The following SPMIP2 variants were observed in gnomAD, a reference collection of about 807,000 sequenced individuals.
SPMIP2 encodes sperm microtubule inner protein 2, also known as protein SPMIP2.
At chr4:158,935,096 T>C in the SPMIP2 span, among the ~76,000 whole-genome samples, 2 of 152,218 alleles carry the variant, frequency 1.3e-5, no homozygotes, top group Admixed American at 1.3e-4. Context: ...TTTTTCCCTA[T>C]ACTGCAATTC....
the SPMIP2 span, among the ~76,000 whole-genome samples, chr4:158,963,926 C>T: frequency 5.4e-4 from 82 of 152,072 alleles, 1 homozygote; most frequent in Non-Finnish European, 7.9e-4. Flanking sequence ...CTCTGGGAGG[C>T]GGGCAGATCA....
At chr4:158,991,988 C>G in the SPMIP2 span, among the ~76,000 whole-genome samples, 531 of 152,274 alleles carry the variant, frequency 3.5e-3, 4 homozygotes, top group African/African-American at 0.012. Flanking sequence ...ACCACCTGGG[C>G]TCCAGGGATC....
chr4:159,078,727 A>G, the SPMIP2 span, among the ~76,000 whole-genome samples: 1 of 152,148 alleles, frequency 6.6e-6, no homozygotes, highest in Non-Finnish European at 1.5e-5. Context: ...CAAATTTCTC[A>G]CTTGACATTG....
the SPMIP2 span, among the ~76,000 whole-genome samples, chr4:158,983,226 G>T: frequency 1.3e-5 from 2 of 152,196 alleles, no homozygotes; most frequent in South Asian, 4.2e-4. Flanking sequence ...AACCAAGTTG[G>T]AAAACACTCT....
At chr4:159,079,682 A>G in the SPMIP2 span, among the ~76,000 whole-genome samples, 1 of 152,166 alleles carries the variant, frequency 6.6e-6, no homozygotes, top group Non-Finnish European at 1.5e-5. Context: ...CCTGAATTTC[A>G]TTTGGTTTCT....
At chr4:158,948,566 A>G in the SPMIP2 span, among the ~76,000 whole-genome samples, 1 of 148,134 alleles carries the variant, frequency 6.8e-6, no homozygotes, top group Non-Finnish European at 1.5e-5. Flanking sequence ...GATATTGTGA[A>G]GTTTCACATG....
the SPMIP2 span, among the ~76,000 whole-genome samples, chr4:158,919,577 C>T: frequency 6.6e-6 from 1 of 152,184 alleles, no homozygotes; most frequent in Non-Finnish European, 1.5e-5. Flanking sequence ...GCTTAAAATG[C>T]TACCTACCAG....
the SPMIP2 span, among the ~76,000 whole-genome samples, chr4:159,017,832 T>C: frequency 1.3e-5 from 2 of 151,976 alleles, no homozygotes; most frequent in African/African-American, 4.8e-5. Flanking sequence ...CAATGTGGGT[T>C]TGAGAATGGT....
the SPMIP2 span, among the ~76,000 whole-genome samples, chr4:159,061,937 G>A: frequency 6.6e-6 from 1 of 152,174 alleles, no homozygotes; most frequent in African/African-American, 2.4e-5. Flanking sequence ...CTGAGTGATA[G>A]CGTGAGCACC....
the SPMIP2 span, among the ~76,000 whole-genome samples, chr4:158,984,903 AAAAG>A: frequency 7.1e-4 from 108 of 152,162 alleles, no homozygotes; most frequent in African/African-American, 2.5e-3. Flanking sequence ...AATAAATAAA[AAAAG>A]AGAGAAGAAT....
At chr4:158,937,204 T>C in the SPMIP2 span, among the ~76,000 whole-genome samples, 3 of 152,238 alleles carry the variant, frequency 2.0e-5, no homozygotes, top group Non-Finnish European at 4.4e-5. Flanking sequence ...GGGAGAACAC[T>C]TATTTGATAC....
chr4:159,061,276 G>A, the SPMIP2 span, among the ~76,000 whole-genome samples: 1 of 151,770 alleles, frequency 6.6e-6, no homozygotes, highest in Admixed American at 6.6e-5. Flanking sequence ...TGTGAGAGCT[G>A]GCCCCAGTCC....
the SPMIP2 span, among the ~76,000 whole-genome samples, chr4:158,982,525 C>G: frequency 6.6e-6 from 1 of 152,194 alleles, no homozygotes; most frequent in Non-Finnish European, 1.5e-5. Flanking sequence ...CAAACAGTCT[C>G]TCAGACCACA....
chr4:159,022,586 C>A, the SPMIP2 span, among the ~76,000 whole-genome samples: 1 of 151,940 alleles, frequency 6.6e-6, no homozygotes, highest in South Asian at 2.1e-4. Flanking sequence ...GCTCCTAGGC[C>A]CCAAAAAACA....
chr4:158,921,848 T>C, the SPMIP2 span, among the ~76,000 whole-genome samples: 22 of 151,718 alleles, frequency 1.5e-4, no homozygotes, highest in African/African-American at 5.1e-4. Context: ...CTTCTTCTAC[T>C]ACAGTGATAA....
chr4:158,894,535 T>C, the SPMIP2 span, among the ~76,000 whole-genome samples: 3 of 152,206 alleles, frequency 2.0e-5, no homozygotes, highest in African/African-American at 7.2e-5. Context: ...ACAGTTCTTA[T>C]TTCCACACTG....
the SPMIP2 span, chr4:158,904,605 A>AAGGAATAAGCTCTCTGTGAT: frequency 2.9e-6 from 4 of 1,382,712 alleles, no homozygotes; most frequent in Non-Finnish European, 4.1e-6. Flanking sequence ...CTGAAGGAGA[A>AAGGAATAAGCTCTCTGTGAT]AGGAATAAGC....
the SPMIP2 span, among the ~76,000 whole-genome samples, chr4:158,920,353 C>T: frequency 6.6e-6 from 1 of 152,114 alleles, no homozygotes; most frequent in South Asian, 2.1e-4. Context: ...GGTCTGACTG[C>T]CTGCGGGGTT....
chr4:158,972,640 T>C, the SPMIP2 span, among the ~76,000 whole-genome samples: 1 of 152,202 alleles, frequency 6.6e-6, no homozygotes, highest in Admixed American at 6.5e-5. Context: ...CCCTGAATTA[T>C]TAATACTTGA....
Sources: allele counts gnomAD v4.1 joint callset (sites outside exome capture counted in the v4.1 genomes callset), GRCh38; gene constraint gnomAD v4.1.1; transcripts MANE v1.5; gene names NCBI Gene and HGNC (gene_info 2026-07-23, HGNC 2026-07-21).